The following SPATA16 variants were observed in gnomAD, a reference collection of about 807,000 sequenced individuals.
SPATA16 encodes spermatogenesis-associated protein 16.
A neutral mutation model predicts 63.3 loss-of-function variants in SPATA16; 36 were observed. The ratio of observed to expected loss-of-function variants is 0.57; its 90% CI spans 0.44 to 0.75. The LOEUF (loss-of-function observed/expected upper bound fraction) is 0.75. Among genes scored for constraint, SPATA16 ranks in the 30% least tolerant of loss-of-function variants. The pLI is 0.00. For missense variants in SPATA16, 646 were observed against 679.3 expected (o/e 0.95, Z 0.54); for synonymous variants, 203 against 216.7 (o/e 0.94, Z 0.56).
chr3:172,895,872 T>C (rs1008102563), intron 10 of SPATA16, among the ~76,000 whole-genome samples: 2 of 152,162 alleles, frequency 1.3e-5, no homozygotes, highest in African/African-American at 4.8e-5. Flanking sequence ...TTTGGGCTAT[T>C]GTAAAATAAG....
intron 6 of SPATA16, among the ~76,000 whole-genome samples, chr3:172,937,587 A>G (rs1260837079): frequency 6.6e-6 from 1 of 150,984 alleles, no homozygotes; most frequent in Non-Finnish European, 1.5e-5. Context: ...ATTATGCAGG[A>G]ACAACTGAGA....
intron 6 of SPATA16, among the ~76,000 whole-genome samples, chr3:172,954,668 T>TG (rs1733530494): frequency 6.6e-6 from 1 of 152,194 alleles, no homozygotes; most frequent in South Asian, 2.1e-4. Flanking sequence ...TCAGCCACCT[T>TG]GGAATTGCCT....
chr3:173,113,010 A>G (rs765800206), intron 2 of SPATA16, among the ~76,000 whole-genome samples: 1 of 152,246 alleles, frequency 6.6e-6, no homozygotes, highest in South Asian at 2.1e-4. Context: ...TGTTGTTCCA[A>G]TAAGTGACAA....
intron 4 of SPATA16, among the ~76,000 whole-genome samples, chr3:172,991,970 C>T (rs1012134013): frequency 3.3e-5 from 5 of 152,278 alleles, no homozygotes; most frequent in Admixed American, 2.6e-4. Flanking sequence ...CATGGGAGAA[C>T]TGAGAAACTG....
At chr3:172,942,815 A>G (rs1733187578) in intron 6 of SPATA16, among the ~76,000 whole-genome samples, 1 of 152,146 alleles carries the variant, frequency 6.6e-6, no homozygotes, top group South Asian at 2.1e-4. Context: ...AATTTCAGGA[A>G]TTATTAAAAT....
At chr3:172,950,887 G>A (rs1438346364) in intron 6 of SPATA16, among the ~76,000 whole-genome samples, 1 of 151,994 alleles carries the variant, frequency 6.6e-6, no homozygotes, top group Non-Finnish European at 1.5e-5. Context: ...ACTAACCACA[G>A]ATCCATTACT....
intron 4 of SPATA16, among the ~76,000 whole-genome samples, chr3:172,980,609 C>T (rs1319657673): frequency 3.3e-5 from 5 of 152,104 alleles, no homozygotes; most frequent in African/African-American, 1.2e-4. Flanking sequence ...GTAAACCTGA[C>T]CCACCCACTT....
intron 1 of SPATA16, among the ~76,000 whole-genome samples, chr3:173,122,243 G>A (rs1738095453): frequency 6.6e-6 from 1 of 151,986 alleles, no homozygotes; most frequent in Non-Finnish European, 1.5e-5. Flanking sequence ...CATTTCCAGT[G>A]GGTAACCATT....
rs562527367 is a variant in SPATA16 at position 173,004,748 on chromosome 3, T to C, written c.848+14738A>G. 2.0e-5 allele frequency among the ~76,000 whole-genome samples: 3 copies of C among 152,340 alleles called. No individual in the cohort carries two copies. The South Asian group carries it at 6.2e-4, about 32-fold the overall frequency. ...TAGCTCATTTTTAAAATTGAGAGTTTATGATGTGCCAAATACTGTGCTAAG... is the reference window on the plus strand; with the variant it reads ...TAGCTCATTTTTAAAATTGAGAGTTCATGATGTGCCAAATACTGTGCTAAG... On this transcript the variant is annotated intron_variant, in intron 4 of 10. Coordinates refer to ENST00000351008, the MANE Select transcript of SPATA16 (RefSeq NM_031955.6).
At chr3:172,952,808 C>T (rs773286250) in intron 6 of SPATA16, among the ~76,000 whole-genome samples, 17 of 151,840 alleles carry the variant, frequency 1.1e-4, no homozygotes, top group Non-Finnish European at 1.8e-4. Flanking sequence ...GGCATGGTGG[C>T]GTGCCCCTAT....
At chr3:173,004,971 TC>T (rs1734908030) in intron 4 of SPATA16, among the ~76,000 whole-genome samples, 1 of 152,190 alleles carries the variant, frequency 6.6e-6, no homozygotes, top group Non-Finnish European at 1.5e-5. Flanking sequence ...AAACCTCCAC[TC>T]CTTTTGGCTA....
In SPATA16 at chr3:172,925,365, C is replaced by T; in HGVS notation, c.1209G>A (p.Arg403=). 6.2e-7 allele frequency: 1 copy of T among 1,613,888 alleles called. No homozygotes were observed. Among genetic ancestry groups the T allele is most frequent in the Non-Finnish European group, 8.5e-7 (1 of 1,179,908 alleles). ...DGKFLEKISS[R]KLPIFTEHKT... The stretch of plus-strand genomic sequence containing the variant: ...ATTTACCTGTGAATATCGGCAGCTT[C>T]CTGCTTGATATTTTTTCCAAAAATT... Residue 403 remains arginine, a synonymous_variant, in exon 7 of 11, where the codon AGG becomes AGA. Transcript: ENST00000351008.
intron 5 of SPATA16, among the ~76,000 whole-genome samples, chr3:172,963,210 A>C (rs1410785203): frequency 6.6e-6 from 1 of 152,006 alleles, no homozygotes; most frequent in African/African-American, 2.4e-5. Flanking sequence ...AATAAGTTTC[A>C]TTTTTTCTTA....
At chr3:173,133,007 G>A (rs964513594) in intron 1 of SPATA16, among the ~76,000 whole-genome samples, 5 of 152,100 alleles carry the variant, frequency 3.3e-5, no homozygotes, top group Non-Finnish European at 7.4e-5. Context: ...AGAACACAGA[G>A]AAGTTGAAAA....
In SPATA16 at chr3:173,002,589, A is replaced by T. The variant is rs548888056; in HGVS notation, c.848+16897T>A. 3.3e-5 allele frequency among the ~76,000 whole-genome samples: 5 copies of T among 152,326 alleles called. No homozygotes were observed. In the East Asian group the frequency reaches 9.6e-4, roughly 29 times the overall value. On this transcript the variant is annotated intron_variant, in intron 4 of 10. Transcript: ENST00000351008. The stretch of plus-strand genomic sequence containing the variant: ...GAATTCAAGTTCTTTTACAATGTAT[A>T]TGAAAGAACAAAAGGCAAAGAATAG...
At chr3:173,108,526 A>T (rs959394083) in intron 2 of SPATA16, among the ~76,000 whole-genome samples, 1 of 152,168 alleles carries the variant, frequency 6.6e-6, no homozygotes, top group African/African-American at 2.4e-5. Flanking sequence ...AAAAATACCA[A>T]TGTTCCAGGA....
chr3:173,074,654 T>A (rs1217915917), intron 2 of SPATA16, among the ~76,000 whole-genome samples: 1 of 152,092 alleles, frequency 6.6e-6, no homozygotes, highest in Non-Finnish European at 1.5e-5. Context: ...GGGTATATCT[T>A]TATCAGAAGT....
chr3:172,892,360 A>G (rs1328975402), intron 10 of SPATA16, among the ~76,000 whole-genome samples: 1 of 152,206 alleles, frequency 6.6e-6, no homozygotes, highest in Non-Finnish European at 1.5e-5. Context: ...AACAGTTGGT[A>G]TTAAAAGAGG....
chr3:172,922,281 T>G (rs570364684), intron 8 of SPATA16, among the ~76,000 whole-genome samples: 2 of 152,322 alleles, frequency 1.3e-5, no homozygotes, highest in South Asian at 4.1e-4. Context: ...AAACTGTTAT[T>G]TCCCTTAAAA....
Sources: gnomAD v4.1 joint callset for allele counts (sites outside exome capture counted in the v4.1 genomes callset) on GRCh38, gnomAD v4.1.1 for gene constraint, MANE v1.5 for transcripts, NCBI Gene and HGNC (gene_info 2026-07-23, HGNC 2026-07-21) for gene names.